TTC39B: variants seen among roughly 807,000 people sequenced by gnomAD.
TTC39B encodes the protein tetratricopeptide repeat protein 39B.
Under a neutral mutation model 96.6 loss-of-function variants are expected in TTC39B, and 92 were observed. That is an observed-to-expected ratio of 0.95 (90% confidence interval 0.80 to 1.13). TTC39B has a LOEUF of 1.13. Ranked by LOEUF, TTC39B falls within the 50% of genes most tolerant of loss-of-function variation. The pLI is 0.00. For missense variants in TTC39B, 955 were observed against 809.3 expected, an observed-to-expected ratio of 1.18 and a Z score of -2.18; for synonymous variants, 367 against 299.4, an observed-to-expected ratio of 1.23 and a Z score of -2.33.
At chr9:15,187,476 T>C (rs1315353601) in intron 14 of TTC39B, among the ~76,000 whole-genome samples, 1 of 152,236 alleles carries the variant, frequency 6.6e-6, no homozygotes, top group East Asian at 1.9e-4. Flanking sequence ...TTTGTTGTTG[T>C]TTGAGACAGG....
At chr9:15,252,924 T>A (rs1292943916) in intron 2 of TTC39B, among the ~76,000 whole-genome samples, 5 of 152,212 alleles carry the variant, frequency 3.3e-5, no homozygotes, top group Non-Finnish European at 5.9e-5. Flanking sequence ...ATAAAATACA[T>A]TCCATAAAAA....
At chr9:15,275,104 C>T (rs1475054942) in intron 1 of TTC39B, among the ~76,000 whole-genome samples, 1 of 151,522 alleles carries the variant, frequency 6.6e-6, no homozygotes, top group Non-Finnish European at 1.5e-5. Context: ...TGCAATGGTG[C>T]GATCTTGGCT....
In TTC39B at chr9:15,231,728, C is replaced by T. The variant is rs138069306; in HGVS notation, c.276-5716G>A. Among the ~76,000 whole-genome samples the T allele has an allele frequency of 2.6e-5, 4 of 152,218 alleles. No individual in the cohort carries two copies. In the East Asian group the frequency reaches 5.8e-4, roughly 22 times the overall value. On this transcript the variant is annotated intron_variant, in intron 2 of 19. Transcript: ENST00000512701. ...TCCAACACAATATGTTATGTTCCTG[C>T]GCAATGAGATAAAAGCTAGTCCATA...
At chr9:15,279,740 T>G (rs559982850) in intron 1 of TTC39B, among the ~76,000 whole-genome samples, 2 of 152,272 alleles carry the variant, frequency 1.3e-5, no homozygotes, top group African/African-American at 4.8e-5. Context: ...TGCTTGGCAC[T>G]AAGAATCCTA....
Position 15,180,082 on chromosome 9 carries a change from A to G in TTC39B, c.1723+2225T>C, listed in dbSNP as rs1444633115. ...TTCCATTTAACATTCAAAGAAAATT[A>G]CATGATAAAGCTACTAGAGTACAAT... is the stretch of plus-strand genomic sequence containing the variant. On this transcript the variant is annotated intron_variant, in intron 17 of 19. Transcript: ENST00000512701. 2.0e-5 allele frequency among the ~76,000 whole-genome samples: 3 copies of G among 152,338 alleles called. No individual in the cohort carries two copies. The East Asian group carries it at 5.8e-4, about 29-fold the overall frequency.
At chr9:15,254,188 T>G (rs1020602285) in intron 2 of TTC39B, among the ~76,000 whole-genome samples, 27 of 152,062 alleles carry the variant, frequency 1.8e-4, no homozygotes, top group African/African-American at 6.5e-4. Context: ...AACCATGCAA[T>G]GAAGGCATCC....
chr9:15,305,776 C>T (rs1034244730), intron 1 of TTC39B, among the ~76,000 whole-genome samples: 1 of 151,186 alleles, frequency 6.6e-6, no homozygotes, highest in African/African-American at 2.4e-5. Context: ...CAGTTTACAC[C>T]TATTATCCCA....
At chr9:15,249,880 T>C in intron 2 of TTC39B, 2 of 1,205,786 alleles carry the variant, frequency 1.7e-6, no homozygotes, top group South Asian at 1.5e-5. Flanking sequence ...ATTTGAATCA[T>C]AAACCCAGGA....
intron 1 of TTC39B, among the ~76,000 whole-genome samples, chr9:15,287,969 A>AC (rs770210199): frequency 0.05 from 5,509 of 110,084 alleles, 132 homozygotes; most frequent in Middle Eastern, 0.09. Flanking sequence ...AAAAAAAAAA[A>AC]CATAAAAAAA....
At chr9:15,177,802 A>T in exon 18 of TTC39B, 1 of 1,601,648 alleles carries the variant, frequency 6.2e-7, no homozygotes, top group Non-Finnish European at 8.5e-7. Context: ...ATCCACAGAG[A>T]AGCTGTTAAA....
At chr9:15,201,865 A>C (rs1391194694) in intron 7 of TTC39B, among the ~76,000 whole-genome samples, 1 of 152,158 alleles carries the variant, frequency 6.6e-6, no homozygotes, top group African/African-American at 2.4e-5. Flanking sequence ...AATCAATCAG[A>C]GCTACTGAAT....
At chr9:15,276,216 C>A (rs1180863321) in intron 1 of TTC39B, among the ~76,000 whole-genome samples, 1 of 152,204 alleles carries the variant, frequency 6.6e-6, no homozygotes, top group African/African-American at 2.4e-5. Context: ...TTAATTGCAC[C>A]TGCCTGGCTC....
chr9:15,165,467 A>C (rs966297741), exon 20 of TTC39B: 1 of 152,252 alleles, frequency 6.6e-6, no homozygotes, highest in African/African-American at 2.4e-5. Flanking sequence ...CAAAGCAAAG[A>C]GTGTCATACC....
At chr9:15,198,179 C>T (rs1361092644) in intron 8 of TTC39B, among the ~76,000 whole-genome samples, 1 of 152,052 alleles carries the variant, frequency 6.6e-6, no homozygotes, top group African/African-American at 2.4e-5. Context: ...GCACAAAGGG[C>T]CAGGCGCAGT....
chr9:15,189,960 A>G (rs894548677), intron 11 of TTC39B, among the ~76,000 whole-genome samples, 168 bp from the exon 12 acceptor site: 2 of 152,226 alleles, frequency 1.3e-5, no homozygotes, highest in Non-Finnish European at 2.9e-5. Flanking sequence ...AGTCTCACCT[A>G]TAACTTTAGT....
chr9:15,261,040 C>G (rs1822926481), intron 2 of TTC39B, among the ~76,000 whole-genome samples: 1 of 152,202 alleles, frequency 6.6e-6, no homozygotes, highest in Non-Finnish European at 1.5e-5. Flanking sequence ...TTCTAACAGT[C>G]TTTGAACATA....
chr9:15,173,506 T>C (rs1399333269), intron 19 of TTC39B, among the ~76,000 whole-genome samples: 7 of 152,200 alleles, frequency 4.6e-5, no homozygotes, highest in African/African-American at 1.4e-4. Context: ...CTTAACTTGT[T>C]TGACCTCTTA....
chr9:15,211,436 T>C, intron 4 of TTC39B, 39 bp from the exon 5 acceptor site: 1 of 1,422,286 alleles, frequency 7.0e-7, no homozygotes, highest in Non-Finnish European at 9.3e-7. Flanking sequence ...TTTAATTCAA[T>C]GGAAATACTG....
At chr9:15,258,009 G>A (rs1053776608) in intron 2 of TTC39B, among the ~76,000 whole-genome samples, 4 of 152,054 alleles carry the variant, frequency 2.6e-5, no homozygotes, top group Non-Finnish European at 5.9e-5. Context: ...GCGGTGAGCC[G>A]AGTTCGTACC....
Sources: allele counts gnomAD v4.1 joint callset (sites outside exome capture counted in the v4.1 genomes callset), GRCh38; gene constraint gnomAD v4.1.1; transcripts MANE v1.5; gene names NCBI Gene and HGNC (gene_info 2026-07-23, HGNC 2026-07-21).